BUB1: variants seen among roughly 807,000 people sequenced by gnomAD.
The protein encoded by BUB1 is BUB1 mitotic checkpoint serine/threonine kinase, also known as mitotic checkpoint serine/threonine-protein kinase BUB1.
Under a neutral mutation model 135.2 loss-of-function variants are expected in BUB1, and 84 were observed. The ratio of observed to expected loss-of-function variants is 0.62; its 90% CI spans 0.52 to 0.74. The LOEUF (loss-of-function observed/expected upper bound fraction) is 0.74, where lower values mean the gene tolerates loss of function less well. Ranked by LOEUF, BUB1 falls within the 30% of genes least tolerant of loss-of-function variation. The probability of loss-of-function intolerance (pLI) is 0.00; values close to 1 mark genes in which losing one functional copy is unlikely to be tolerated. For missense variants in BUB1, 1,162 were observed against 1,288.3 expected (o/e 0.90, Z 1.50); for synonymous variants, 403 against 434.4 (o/e 0.93, Z 0.90).
intron 8 of BUB1, 93 bp from the exon 9 acceptor site, chr2:110,666,507 G>T (rs1690259596): frequency 9.7e-7 from 1 of 1,032,836 alleles, no homozygotes. Flanking sequence ...ATATTTTAGG[G>T]GGCCGATTTT....
rs1689726243 is a variant in BUB1 at position 110,649,432 on chromosome 2, A to T, written c.2204-55T>A. The T allele has an allele frequency of 4.8e-6, 7 of 1,459,700 alleles. No homozygotes were observed. In the South Asian group the frequency reaches 9.8e-5, roughly 21 times the overall value. 90.4% of individuals were successfully genotyped at this position (1,459,700 alleles called of 1,614,324 possible). On this transcript the variant is annotated intron_variant, in intron 18 of 24. Coordinates refer to ENST00000302759, the MANE Select transcript of BUB1 (RefSeq NM_004336.5). ...GGGAACATGAATTGAGTACTCAAGA[A>T]CTTTACCAAATAAATTATAGACAAA...
intron 9 of BUB1, among the ~76,000 whole-genome samples, chr2:110,665,602 T>TGG (rs1690226936): frequency 6.6e-6 from 1 of 151,282 alleles, no homozygotes. Flanking sequence ...TGTGTGTGTG[T>TGG]GTATGCATAC....
rs901183489 is a variant in BUB1 at position 110,648,046 on chromosome 2, A to G, written c.2347+1188T>C. Among the ~76,000 whole-genome samples, 1 of 152,212 alleles carries G rather than the reference A, an allele frequency of 6.6e-6. No homozygotes were observed. Among genetic ancestry groups the G allele is most frequent in the African/African-American group, 2.4e-5 (1 of 41,468 alleles). ...CAATTACACTCCTTGGTATTTACCCAAATTATGAGTTGAAAACTTATGTCC... is the reference window on the plus strand; with the variant it reads ...CAATTACACTCCTTGGTATTTACCCGAATTATGAGTTGAAAACTTATGTCC... On this transcript the variant is annotated intron_variant, in intron 19 of 24. Transcript: ENST00000302759. This position sits in a 1 kb window ranked among gnomAD's most constrained non-coding sequence, Gnocchi z 4.2.
rs1294905386 is a variant in BUB1, at chr2:110,661,589, C to T, written c.1210G>A (p.Asp404Asn). 1 of 1,613,972 alleles carries T rather than the reference C, an allele frequency of 6.2e-7. No homozygotes were observed. The highest frequency in any genetic ancestry group is 8.5e-7 in the Non-Finnish European group (1 of 1,179,902). The change falls in exon 10 of 25, where the codon GAT becomes AAT. Residue 404 changes from aspartate to asparagine, a missense_variant. Coordinates refer to ENST00000302759, the MANE Select transcript of BUB1 (RefSeq NM_004336.5). ...TDSMFAVASK[D>N]AGCVNKSTHE... Reference sequence around the variant, plus strand: ...GGACTACCTTCAGCTTACCCAGCATCTTTGCTGGCCACTGCAAACATGGAG... The same window carrying T: ...GGACTACCTTCAGCTTACCCAGCATTTTTGCTGGCCACTGCAAACATGGAG...
rs1474853886 is a variant in BUB1, at chr2:110,641,193, C to T, written c.2796G>A (p.Gln932=). ...NFILGNGFLE[Q]DDEDDLSAGL... Reference sequence around the variant, plus strand: ...CAGCAGATAAATCATCTTCATCATCCTGTTCCAAAAATCTATATTAAACAC... The same window carrying T: ...CAGCAGATAAATCATCTTCATCATCTTGTTCCAAAAATCTATATTAAACAC... The change falls in exon 23 of 25, where the codon CAG becomes CAA. Residue 932 remains glutamine, a synonymous_variant. Transcript: ENST00000302759. 1.3e-6 allele frequency: 2 copies of T among 1,599,702 alleles called. No individual in the cohort carries two copies. The highest frequency in any genetic ancestry group is 2.2e-5 in the East Asian group (1 of 44,734).
intron 9 of BUB1, among the ~76,000 whole-genome samples, chr2:110,663,169 G>T (rs1574329255): frequency 6.6e-6 from 1 of 151,742 alleles, no homozygotes; most frequent in African/African-American, 2.4e-5. Flanking sequence ...AATCCCAGCT[G>T]CTCAGGAGGC....
At chr2:110,676,506 C>G (rs550248925) in intron 1 of BUB1, 1 of 152,284 alleles carries the variant, frequency 6.6e-6, no homozygotes, top group Admixed American at 6.5e-5. Context: ...GACACATACA[C>G]ATGTGTATCC....
At chr2:110,653,643 C>A in intron 16 of BUB1, 120 bp from the exon 17 acceptor site, 1 of 770,764 alleles carries the variant, frequency 1.3e-6, no homozygotes. Context: ...ATTATGATTT[C>A]AAAATAGTGT....
intron 6 of BUB1, among the ~76,000 whole-genome samples, chr2:110,668,820 C>T (rs1008884503): frequency 6.6e-6 from 1 of 152,210 alleles, no homozygotes; most frequent in African/African-American, 2.4e-5. Context: ...TTGATGGCAT[C>T]TGCTATCTGT....
At position 110,666,425 on chromosome 2, in the gene BUB1, G is replaced by T; in HGVS notation, c.806-11C>A. ...GTCTGTCTTCATTTACTTTAGGAAA[G>T]ATAGAAATGGTTTGCATGCAAAATT... On this transcript the variant is annotated splice_polypyrimidine_tract_variant and intron_variant, in intron 8 of 24. Transcript: ENST00000302759. The T allele has an allele frequency of 7.3e-7, 1 of 1,365,490 alleles. No homozygotes were observed. 84.6% of individuals were successfully genotyped at this position (1,365,490 alleles called of 1,614,324 possible).
chr2:110,659,892 C>T, intron 11 of BUB1, 86 bp downstream of exon 11: 2 of 1,121,540 alleles, frequency 1.8e-6, no homozygotes, highest in East Asian at 5.0e-5. Flanking sequence ...AGGCCTGAAG[C>T]CTTCATAAAC....
At chr2:110,657,673 A>T in intron 13 of BUB1, 28 bp from the exon 14 acceptor site, 1 of 1,476,808 alleles carries the variant, frequency 6.8e-7, no homozygotes, top group Non-Finnish European at 9.2e-7. Context: ...ATAGCATCTA[A>T]TTATTGTACT....
chr2:110,639,275 C>T (rs1689436169), intron 24 of BUB1, among the ~76,000 whole-genome samples: 1 of 151,856 alleles, frequency 6.6e-6, no homozygotes, highest in Non-Finnish European at 1.5e-5. Flanking sequence ...AGGGCTAGGA[C>T]TGTCCTGTGA....
intron 9 of BUB1, chr2:110,665,994 C>G (rs1203007318): frequency 1.0e-5 from 3 of 299,214 alleles, no homozygotes; most frequent in Non-Finnish European, 1.8e-5. Flanking sequence ...AGTCACTGTA[C>G]AAAAACCAGA....
chr2:110,641,787 T>C lies in BUB1; in HGVS notation c.2480A>G (p.Asn827Ser). The C allele has an allele frequency of 6.2e-7, 1 of 1,605,418 alleles. No homozygotes were observed. The highest frequency in any genetic ancestry group is 8.5e-7 in the Non-Finnish European group (1 of 1,179,724). Reference sequence around the variant, plus strand: ...GGTCCCAATGTAGAATTCCCAGGGGTTGGCAGGCTTTTGGACCTGCAAATC... The same window carrying C: ...GGTCCCAATGTAGAATTCCCAGGGGCTGGCAGGCTTTTGGACCTGCAAATC... ...KFVLKVQKPA[N>S]PWEFYIGTQL... Residue 827 changes from asparagine (N) to serine (S), a missense_variant, in exon 21 of 25, where the codon AAC (asparagine) becomes AGC (serine). Physicochemically the swap from Asn to Ser is conservative, Grantham distance 46. Transcript: ENST00000302759.
At position 110,670,588 on chromosome 2, in the gene BUB1, G is replaced by T. The variant is rs1367669388; in HGVS notation, c.423-20C>A. ...AATAACCTAAATGACAGCAGAAAAG[G>T]CATCAATGTAGATTATAAACTTACA... is the stretch of plus-strand genomic sequence containing the variant. On this transcript the variant is annotated intron_variant, in intron 4 of 24. Coordinates refer to ENST00000302759, the MANE Select transcript of BUB1 (RefSeq NM_004336.5). 1 of 1,612,846 alleles carries T rather than the reference G, an allele frequency of 6.2e-7. No individual in the cohort carries two copies. Among genetic ancestry groups the T allele is most frequent in the South Asian group, 1.1e-5 (1 of 91,030 alleles).
At chr2:110,643,432 C>G (rs540843462) in intron 19 of BUB1, among the ~76,000 whole-genome samples, 1 of 152,344 alleles carries the variant, frequency 6.6e-6, no homozygotes, top group African/African-American at 2.4e-5. Context: ...ACAGTAAACA[C>G]AGCCTAACCC....
chr2:110,646,993 T>C (rs1034292861), intron 19 of BUB1, among the ~76,000 whole-genome samples: 1 of 151,922 alleles, frequency 6.6e-6, no homozygotes. Context: ...AAAAGAGAAA[T>C]AGATAATCTG....
At chr2:110,672,109 C>G (rs1690439134) in intron 4 of BUB1, among the ~76,000 whole-genome samples, 1 of 152,120 alleles carries the variant, frequency 6.6e-6, no homozygotes, top group Non-Finnish European at 1.5e-5. Flanking sequence ...TCCCTATAGT[C>G]CCAGCTAGTC....
Sources: allele counts gnomAD v4.1 joint callset (sites outside exome capture counted in the v4.1 genomes callset), GRCh38; gene constraint gnomAD v4.1.1; non-coding constraint Gnocchi (gnomAD v3.1); transcripts MANE v1.5; gene names NCBI Gene and HGNC (gene_info 2026-07-23, HGNC 2026-07-21).